BOD1L1: variants seen among roughly 807,000 people sequenced by gnomAD.
BOD1L1 encodes biorientation of chromosomes in cell division 1 like 1.
Under a neutral mutation model 240.7 loss-of-function variants are expected in BOD1L1, and 86 were observed. The observed-to-expected ratio is 0.36, with a 90% CI of 0.30 to 0.43. The LOEUF is 0.43. Ranked by LOEUF, BOD1L1 falls within the 20% of genes least tolerant of loss-of-function variation. BOD1L1 has a pLI of 1.00. For missense variants in BOD1L1, 3,554 were observed against 3,643.5 expected (o/e 0.98, Z 0.63); for synonymous variants, 1,268 against 1,272.3 (o/e 1.00, Z 0.07).
In BOD1L1 at chr4:13,604,115, G is replaced by C. The variant is rs1715465045; in HGVS notation, c.2785C>G (p.Gln929Glu). 3.1e-6 allele frequency: 5 copies of C among 1,613,584 alleles called. No individual in the cohort carries two copies. The highest frequency in any genetic ancestry group is 4.2e-6 in the Non-Finnish European group (5 of 1,179,822). ...GTTGCCTGTTTTGTGGCACCTTCTT[G>C]TAATTCTGTTTCTACAACTTTTACC... is the stretch of plus-strand genomic sequence containing the variant. ...KQVKVVETEL[Q>E]EGATKQATTP... is the part of the protein sequence containing the mutation. The change falls in exon 10 of 26, where the codon CAA becomes GAA. Residue 929 changes from glutamine to glutamate, a missense_variant. Gln to Glu is a conservative substitution (Grantham distance 29). Transcript: ENST00000040738.
At position 13,569,023 on chromosome 4, in the gene BOD1L1, TA is replaced by T. The variant is rs1332343022; in HGVS notation, c.*987del. ...GCTCATATGAGAGTTAAAACATGTT[TA>T]AAAAAACACTTGGCAATAAAGCCAG... On this transcript the variant is annotated 3_prime_UTR_variant, in exon 26 of 26. Transcript: ENST00000040738. The T allele has an allele frequency of 6.6e-6, 1 of 152,154 alleles. No homozygotes were observed. The highest frequency in any genetic ancestry group is 1.5e-5 in the Non-Finnish European group (1 of 68,030). 9.4% of individuals were successfully genotyped at this position (152,154 alleles called of 1,614,324 possible).
chr4:13,593,986 T>C (rs1004863566), intron 12 of BOD1L1, among the ~76,000 whole-genome samples: 12 of 152,170 alleles, frequency 7.9e-5, no homozygotes, highest in Non-Finnish European at 1.3e-4. Context: ...TCTCAGGTTT[T>C]TGGCCAGGAA....
At chr4:13,622,822 T>C (rs1717130648) in intron 1 of BOD1L1, among the ~76,000 whole-genome samples, 1 of 152,216 alleles carries the variant, frequency 6.6e-6, no homozygotes, top group African/African-American at 2.4e-5. Context: ...CCATCTGAAA[T>C]GGAAGTCAGA....
chr4:13,599,360 G>C lies in BOD1L1; in HGVS notation c.7540C>G (p.Gln2514Glu), dbSNP rs1714893974. 6.2e-7 allele frequency: 1 copy of C among 1,613,940 alleles called. No homozygotes were observed. Among genetic ancestry groups the C allele is most frequent in the South Asian group, 1.1e-5 (1 of 91,068 alleles). Reference sequence around the variant, plus strand: ...CTGACAGAGGGATCCTTAGCCGTCTGCCCAGACGTCTGTTCTGGTCCTCTC... The same window carrying C: ...CTGACAGAGGGATCCTTAGCCGTCTCCCCAGACGTCTGTTCTGGTCCTCTC... ...HLRGPEQTSGQTAKDPSVSIR... is the reference protein window; with the variant it reads ...HLRGPEQTSGETAKDPSVSIR... The change falls in exon 10 of 26, where the codon CAG becomes GAG. Residue 2514 changes from glutamine (Q) to glutamate (E), a missense_variant. Coordinates refer to ENST00000040738, the MANE Select transcript of BOD1L1 (RefSeq NM_148894.3).
Position 13,577,493 on chromosome 4 carries a change from A to G in BOD1L1, c.8800-6T>C, listed in dbSNP as rs760681644. 8 of 1,613,020 alleles carry G rather than the reference A, an allele frequency of 5.0e-6. No homozygotes were observed. The Admixed American group carries it at 1.3e-4, about 27-fold the overall frequency. ...ATTTTTTCTTCACCATCATCCTAGA[A>G]GCAATAAAATTAAAGTCAAAAGGGT... On this transcript the variant is annotated splice_region_variant and splice_polypyrimidine_tract_variant and intron_variant, in intron 23 of 25. Transcript: ENST00000040738.
intron 15 of BOD1L1, 52 bp downstream of exon 15, chr4:13,588,670 A>C (rs1232530617): frequency 3.0e-6 from 4 of 1,322,206 alleles, no homozygotes; most frequent in Non-Finnish European, 4.2e-6. Context: ...CTTTGTGTAC[A>C]GTGAAAATAT....
chr4:13,602,099 C>T lies in BOD1L1; in HGVS notation c.4801G>A (p.Ala1601Thr), dbSNP rs763313201. Reference sequence around the variant, plus strand: ...CTTGTGAGGAAGGTTTCACTTTCAGCAAATCCCTCTGTGACAACAGCCCCA... The same window carrying T: ...CTTGTGAGGAAGGTTTCACTTTCAGTAAATCCCTCTGTGACAACAGCCCCA... ...EGGAVVTEGF[A>T]ESETFLTSTK... Residue 1601 changes from alanine (A) to threonine (T), a missense_variant, in exon 10 of 26, where the codon GCT (alanine) becomes ACT (threonine). Physicochemically the swap from Ala to Thr is moderately conservative, Grantham distance 58. This residue lies in a region of BOD1L1 where 3,393 missense variants were observed against 3,427.1 expected (regional missense o/e 0.99). Coordinates refer to ENST00000040738, the MANE Select transcript of BOD1L1 (RefSeq NM_148894.3). 242 of 1,613,888 alleles carry T rather than the reference C, an allele frequency of 1.5e-4. No homozygotes were observed. Among genetic ancestry groups the T allele is most frequent in the Non-Finnish European group, 1.9e-4 (219 of 1,179,912 alleles).
At chr4:13,605,452 C>T (rs1715612504) in intron 9 of BOD1L1, among the ~76,000 whole-genome samples, 1 of 152,118 alleles carries the variant, frequency 6.6e-6, no homozygotes, top group African/African-American at 2.4e-5. Flanking sequence ...AATTGTAGCT[C>T]AGCATGATTC....
At chr4:13,577,859 T>C in intron 22 of BOD1L1, 1 of 377,866 alleles carries the variant, frequency 2.6e-6, no homozygotes, top group Middle Eastern at 7.1e-4. Flanking sequence ...TTAAATTTGC[T>C]GACCCTCAGT....
In BOD1L1 at chr4:13,604,151, G is replaced by C. The variant is rs780273164; in HGVS notation, c.2749C>G (p.Gln917Glu). 1.2e-6 allele frequency: 2 copies of C among 1,612,964 alleles called. No homozygotes were observed. Among genetic ancestry groups the C allele is most frequent in the African/African-American group, 1.3e-5 (1 of 74,826 alleles). Residue 917 changes from glutamine (Q) to glutamate (E), a missense_variant, in exon 10 of 26, where the codon CAA becomes GAA. By Grantham distance (29) the Gln-to-Glu change is conservative. Coordinates refer to ENST00000040738, the MANE Select transcript of BOD1L1 (RefSeq NM_148894.3). ...TCTACAACTTTTACCTGTTTGCCTT[G>C]AGTTTTTGATTTAGACTTCAACACA... ...KLVLKSKSKTQGKQVKVVETE... is the reference protein window; with the variant it reads ...KLVLKSKSKTEGKQVKVVETE...
intron 2 of BOD1L1, 103 bp downstream of exon 2, chr4:13,619,840 T>G: frequency 2.9e-6 from 4 of 1,374,532 alleles, no homozygotes; most frequent in Non-Finnish European, 2.9e-6. Context: ...AGTAAAATTG[T>G]CAACATCATT....
At chr4:13,615,957 G>GA (rs1253777754) in intron 2 of BOD1L1, among the ~76,000 whole-genome samples, 7 of 150,950 alleles carry the variant, frequency 4.6e-5, no homozygotes, top group Non-Finnish European at 1.0e-4. Context: ...AGAGTCCCCA[G>GA]AAAAAAAACA....
intron 9 of BOD1L1, among the ~76,000 whole-genome samples, chr4:13,605,332 TA>T (rs1172767786): frequency 1.2e-4 from 19 of 152,064 alleles, no homozygotes; most frequent in Admixed American, 5.2e-4. Context: ...TATTTTACAA[TA>T]AAAAAACTAA....
Position 13,601,530 on chromosome 4 carries a change from T to G in BOD1L1, c.5370A>C (p.Ala1790=). The change falls in exon 10 of 26, where the codon GCA becomes GCC. Residue 1790 remains alanine (A), a synonymous_variant. Coordinates refer to ENST00000040738, the MANE Select transcript of BOD1L1 (RefSeq NM_148894.3). ...CTTCTGTTATCCCCGTGCTGGTGACTGCACTCTCACCTTCTGTACCATCAT... is the reference window on the plus strand; with the variant it reads ...CTTCTGTTATCCCCGTGCTGGTGACGGCACTCTCACCTTCTGTACCATCAT... The part of the protein sequence containing the change: ...SVNDGTEGES[A]VTSTGITEDG... 1 of 1,614,054 alleles carries G rather than the reference T, an allele frequency of 6.2e-7. No homozygotes were observed. Among genetic ancestry groups the G allele is most frequent in the Admixed American group, 1.7e-5 (1 of 60,018 alleles).
rs112678609 is a variant in BOD1L1 at position 13,609,762 on chromosome 4, T to C, written c.1492-356A>G. On this transcript the variant is annotated intron_variant, in intron 6 of 25. Transcript: ENST00000040738. ...ATAGCTGTGAAAATATCTATGAACA[T>C]CAAGTATATATAGGTAGGTGTTTAT... 4.7e-4 allele frequency among the ~76,000 whole-genome samples: 72 copies of C among 152,314 alleles called. 1 individual carries two copies. The highest frequency in any genetic ancestry group is 6.8e-3 in the Middle Eastern group (2 of 294).
chr4:13,598,887 C>T (rs551166761), intron 10 of BOD1L1, 59 bp downstream of exon 10: 5 of 1,490,118 alleles, frequency 3.4e-6, no homozygotes, highest in East Asian at 2.3e-5. Context: ...CCTAAATGCA[C>T]TCTGTTGTAC....
intron 17 of BOD1L1, among the ~76,000 whole-genome samples, chr4:13,583,462 C>T (rs561799717): frequency 1.3e-5 from 2 of 152,084 alleles, no homozygotes; most frequent in South Asian, 4.2e-4. Flanking sequence ...TAATGAAATG[C>T]CCTCACCCCC....
intron 2 of BOD1L1, among the ~76,000 whole-genome samples, chr4:13,619,450 C>A (rs1716879727): frequency 6.6e-6 from 1 of 151,932 alleles, no homozygotes; most frequent in Non-Finnish European, 1.5e-5. Flanking sequence ...AGGTGGGGAG[C>A]TATATCATTC....
Position 13,604,327 on chromosome 4 carries a change from T to C in BOD1L1, c.2573A>G (p.Lys858Arg). 6.3e-7 allele frequency: 1 copy of C among 1,588,558 alleles called. No individual in the cohort carries two copies. The highest frequency in any genetic ancestry group is 1.2e-5 in the South Asian group (1 of 84,960). ...SKIQKDSLGS[K>R]QHGITLQRRS... ...TCTCTGTAATGTGATACCATGTTGC[T>C]TGGAACCCAGAGAATCTTTCTGAAT... The change falls in exon 10 of 26, where the codon AAG becomes AGG. Residue 858 changes from lysine (K) to arginine (R), a missense_variant. Lys to Arg is a conservative substitution (Grantham distance 26). Coordinates refer to ENST00000040738, the MANE Select transcript of BOD1L1 (RefSeq NM_148894.3).
Sources: gnomAD v4.1 joint callset for allele counts (sites outside exome capture counted in the v4.1 genomes callset) on GRCh38, gnomAD v4.1.1 for gene constraint, gnomAD v4.1.1 regional missense constraint, MANE v1.5 for transcripts, NCBI Gene and HGNC (gene_info 2026-07-23, HGNC 2026-07-21) for gene names.